LRRTM4: variants seen among roughly 807,000 people sequenced by gnomAD.
LRRTM4 encodes the protein leucine-rich repeat transmembrane neuronal protein 4.
A neutral mutation model predicts 47.6 loss-of-function variants in LRRTM4; 25 were observed. The ratio of observed to expected loss-of-function variants is 0.53; its 90% CI spans 0.38 to 0.73. LRRTM4 has a LOEUF of 0.73. Among genes scored for constraint, LRRTM4 ranks in the 30% least tolerant of loss-of-function variants. The pLI is 0.00. For missense variants in LRRTM4, 638 were observed against 713.4 expected, an observed-to-expected ratio of 0.89 and a Z score of 1.20; for synonymous variants, 311 against 269.5, an observed-to-expected ratio of 1.15 and a Z score of -1.51.
At chr2:77,410,765 C>T (rs1558730656) in intron 3 of LRRTM4, among the ~76,000 whole-genome samples, 1 of 152,176 alleles carries the variant, frequency 6.6e-6, no homozygotes, top group Non-Finnish European at 1.5e-5. Context: ...ATTAAAATCA[C>T]ATCCTAAGCT....
intron 3 of LRRTM4, among the ~76,000 whole-genome samples, chr2:77,314,269 T>C (rs970215923): frequency 6.6e-6 from 1 of 152,230 alleles, no homozygotes; most frequent in East Asian, 1.9e-4. Flanking sequence ...TTGTTTTATA[T>C]AATTTTGCTA....
chr2:77,373,807 A>G (rs1573328495), intron 3 of LRRTM4, among the ~76,000 whole-genome samples: 1 of 151,820 alleles, frequency 6.6e-6, no homozygotes, highest in East Asian at 1.9e-4. Context: ...TTGCGGAGAT[A>G]CATTCCTATT....
At chr2:77,347,553 T>C (rs762460507) in intron 3 of LRRTM4, among the ~76,000 whole-genome samples, 1 of 152,156 alleles carries the variant, frequency 6.6e-6, no homozygotes, top group Non-Finnish European at 1.5e-5. Flanking sequence ...CAAAATAATA[T>C]TTCTCAAATT....
intron 3 of LRRTM4, among the ~76,000 whole-genome samples, chr2:77,331,258 C>T (rs560203542): frequency 1.1e-3 from 173 of 152,178 alleles, no homozygotes; most frequent in African/African-American, 4.1e-3. Context: ...ATAATACAGG[C>T]TTAGCAATCC....
At chr2:77,420,401 T>C (rs967590231) in intron 3 of LRRTM4, among the ~76,000 whole-genome samples, 1 of 152,084 alleles carries the variant, frequency 6.6e-6, no homozygotes, top group Non-Finnish European at 1.5e-5. Flanking sequence ...CACTCAAAAG[T>C]ATGGGATTAC....
chr2:76,771,249 G>A (rs1673689719), intron 3 of LRRTM4, among the ~76,000 whole-genome samples: 1 of 152,184 alleles, frequency 6.6e-6, no homozygotes, highest in African/African-American at 2.4e-5. Flanking sequence ...ACAGGAGTTG[G>A]AATCGCTGTA....
At chr2:76,960,146 A>G (rs970629754) in intron 3 of LRRTM4, among the ~76,000 whole-genome samples, 7 of 151,682 alleles carry the variant, frequency 4.6e-5, no homozygotes. Flanking sequence ...CAAACAGTAC[A>G]GAACTTATCA....
At chr2:76,988,316 C>T (rs912920983) in intron 3 of LRRTM4, among the ~76,000 whole-genome samples, 12 of 151,764 alleles carry the variant, frequency 7.9e-5, no homozygotes, top group East Asian at 1.9e-4. Flanking sequence ...TTTACATGTC[C>T]GTGGTAGGCC....
chr2:77,487,606 A>C (rs1677969236), intron 3 of LRRTM4, among the ~76,000 whole-genome samples: 1 of 152,266 alleles, frequency 6.6e-6, no homozygotes, highest in African/African-American at 2.4e-5. Context: ...CAGGAGGCAG[A>C]CAGGTTCCTG....
At position 76,895,591 on chromosome 2, in the gene LRRTM4, T is replaced by G. The variant is rs1305894767; in HGVS notation, c.1552-146675A>C. 2.0e-5 allele frequency among the ~76,000 whole-genome samples: 3 copies of G among 152,036 alleles called. No individual in the cohort carries two copies. The South Asian group carries it at 6.2e-4, about 31-fold the overall frequency. On this transcript the variant is annotated intron_variant, in intron 3 of 3. Coordinates refer to ENST00000409884, the MANE Select transcript of LRRTM4 (RefSeq NM_001134745.3). ...ACTGCTAGAGATTTAAATATTCCTC[T>G]ACTTTTACCTTGAACTCTAGATCTG... is the stretch of plus-strand genomic sequence containing the variant.
intron 3 of LRRTM4, among the ~76,000 whole-genome samples, chr2:77,341,381 T>C (rs181866381): frequency 1.3e-5 from 2 of 152,084 alleles, no homozygotes; most frequent in Non-Finnish European, 2.9e-5. Flanking sequence ...ATCATCACTG[T>C]TCTCATTTTC....
At chr2:76,781,249 G>A (rs1449276251) in intron 3 of LRRTM4, among the ~76,000 whole-genome samples, 2 of 152,246 alleles carry the variant, frequency 1.3e-5, no homozygotes, top group African/African-American at 4.8e-5. Context: ...TACAGAGGCA[G>A]GCAGGCCTCC....
intron 3 of LRRTM4, among the ~76,000 whole-genome samples, chr2:76,807,110 C>G (rs551002020): frequency 3.3e-5 from 5 of 152,032 alleles, no homozygotes; most frequent in African/African-American, 1.2e-4. Context: ...TGCTACAAAC[C>G]TACCCCAATA....
At chr2:77,458,822 G>A (rs985688433) in intron 3 of LRRTM4, among the ~76,000 whole-genome samples, 2 of 150,872 alleles carry the variant, frequency 1.3e-5, no homozygotes, top group African/African-American at 4.9e-5. Flanking sequence ...TATTATTTCT[G>A]TCATTTCAGT....
At chr2:77,004,284 C>G (rs1375723257) in intron 3 of LRRTM4, among the ~76,000 whole-genome samples, 1 of 152,192 alleles carries the variant, frequency 6.6e-6, no homozygotes. Context: ...GTTTCCTGGG[C>G]TGGGTCCAGG....
At chr2:77,433,947 C>A (rs908982034) in intron 3 of LRRTM4, among the ~76,000 whole-genome samples, 3 of 152,136 alleles carry the variant, frequency 2.0e-5, no homozygotes, top group African/African-American at 7.2e-5. Context: ...TGCAAAGAGG[C>A]ACAACAGAAT....
At chr2:77,322,113 T>C (rs1467042747) in intron 3 of LRRTM4, among the ~76,000 whole-genome samples, 3 of 152,096 alleles carry the variant, frequency 2.0e-5, no homozygotes, top group Non-Finnish European at 2.9e-5. Flanking sequence ...GTCACACAGG[T>C]AGAAATAGTG....
chr2:77,220,351 A>G (rs1218620016), intron 3 of LRRTM4, among the ~76,000 whole-genome samples: 1 of 152,208 alleles, frequency 6.6e-6, no homozygotes, highest in Non-Finnish European at 1.5e-5. Flanking sequence ...ACAAAGCTGG[A>G]CGCAGAATGA....
intron 3 of LRRTM4, among the ~76,000 whole-genome samples, chr2:76,973,157 A>G (rs1676280187): frequency 7.2e-6 from 1 of 139,446 alleles, no homozygotes; most frequent in Non-Finnish European, 1.5e-5. Context: ...GGTAGTTACA[A>G]GGAGACTCTG....
Sources: allele counts gnomAD v4.1 joint callset (sites outside exome capture counted in the v4.1 genomes callset), GRCh38; gene constraint gnomAD v4.1.1; transcripts MANE v1.5; gene names NCBI Gene and HGNC (gene_info 2026-07-23, HGNC 2026-07-21).